The following FRMD4A variants were observed in gnomAD, a reference collection of about 807,000 sequenced individuals.
FRMD4A encodes FERM domain containing 4A, also known as FERM domain-containing protein 4A.
Under a neutral mutation model 129.1 loss-of-function variants are expected in FRMD4A, and 29 were observed. The ratio of observed to expected loss-of-function variants is 0.22; its 90% CI spans 0.17 to 0.31. The LOEUF is 0.31. FRMD4A is among the 10% of genes least tolerant of loss of function. The pLI is 1.00. For missense variants in FRMD4A, 1,272 were observed against 1,375.8 expected, an observed-to-expected ratio of 0.92 and a Z score of 1.19; for synonymous variants, 634 against 571.6, an observed-to-expected ratio of 1.11 and a Z score of -1.56.
intron 2 of FRMD4A, among the ~76,000 whole-genome samples, chr10:13,902,286 G>T (rs945941205): frequency 6.6e-5 from 10 of 152,122 alleles, no homozygotes; most frequent in African/African-American, 2.4e-5. Context: ...AAAGTGTTGG[G>T]ATTACAGGCA....
At chr10:14,296,094 G>A (rs1200038759) in intron 2 of FRMD4A, among the ~76,000 whole-genome samples, 4 of 152,016 alleles carry the variant, frequency 2.6e-5, no homozygotes, top group African/African-American at 9.7e-5. Context: ...GCGACGGGGG[G>A]TCTCTGGTCA....
intron 2 of FRMD4A, among the ~76,000 whole-genome samples, chr10:13,960,916 C>G (rs990828256): frequency 6.6e-6 from 1 of 152,098 alleles, no homozygotes; most frequent in Non-Finnish European, 1.5e-5. Flanking sequence ...AAGATGACAT[C>G]GAATGATCCT....
At chr10:14,291,036 A>T (rs1845835744) in intron 2 of FRMD4A, among the ~76,000 whole-genome samples, 1 of 152,124 alleles carries the variant, frequency 6.6e-6, no homozygotes, top group East Asian at 1.9e-4. Flanking sequence ...CCAAACTGTG[A>T]TATTTTTCAC....
rs2090930122 is a variant in FRMD4A, at chr10:13,740,559, C to T, written c.567G>A (p.Glu189=). 1.3e-6 allele frequency: 2 copies of T among 1,577,036 alleles called. No homozygotes were observed. The highest frequency in any genetic ancestry group is 1.4e-5 in the African/African-American group (1 of 73,752). ...TCTGACCGTTCAGTTTCTTGTAGTG[C>T]TCAATGACTCTGTCTTCACTGTAAT... ...SLAYCEDRVI[E]HYKKLNGQTR... Residue 189 remains glutamate (E), a synonymous_variant, in exon 10 of 25, where the codon GAG becomes GAA. Transcript: ENST00000357447.
intron 3 of FRMD4A, among the ~76,000 whole-genome samples, chr10:13,849,891 C>T (rs748359574): frequency 1.3e-5 from 2 of 151,420 alleles, no homozygotes; most frequent in East Asian, 2.0e-4. Context: ...AAGTTTAGGC[C>T]GGGCGCAGTG....
chr10:13,806,118 A>G (rs530687210), intron 4 of FRMD4A, among the ~76,000 whole-genome samples: 4 of 151,956 alleles, frequency 2.6e-5, no homozygotes, highest in African/African-American at 9.7e-5. Flanking sequence ...CAGCCTCCCA[A>G]AGTGTTGGTA....
chr10:13,852,271 G>A (rs1268731015), intron 3 of FRMD4A, among the ~76,000 whole-genome samples: 1 of 151,634 alleles, frequency 6.6e-6, no homozygotes, highest in Non-Finnish European at 1.5e-5. Context: ...TTGAGATGGA[G>A]TCTTGCTCTG....
chr10:14,165,762 C>T (rs779686548), intron 2 of FRMD4A, among the ~76,000 whole-genome samples: 33 of 152,126 alleles, frequency 2.2e-4, no homozygotes, highest in Non-Finnish European at 4.0e-4. Flanking sequence ...AAGAGAAAAC[C>T]AAATACCACA....
intron 2 of FRMD4A, among the ~76,000 whole-genome samples, chr10:13,903,153 C>T (rs1187815621): frequency 6.6e-6 from 1 of 152,120 alleles, no homozygotes; most frequent in Non-Finnish European, 1.5e-5. Context: ...CTTTTCAGGT[C>T]CCTGCTCAGA....
At chr10:13,783,771 C>T (rs935356236) in intron 5 of FRMD4A, among the ~76,000 whole-genome samples, 4 of 152,126 alleles carry the variant, frequency 2.6e-5, no homozygotes, top group East Asian at 1.9e-4. Flanking sequence ...TCTGCACATT[C>T]GGAGAGCTAT....
chr10:14,026,591 T>G (rs1285861800), intron 2 of FRMD4A, among the ~76,000 whole-genome samples: 3 of 152,208 alleles, frequency 2.0e-5, no homozygotes, highest in Non-Finnish European at 4.4e-5. Flanking sequence ...TAGCCAAGAA[T>G]GCACAGAAAA....
At chr10:13,669,057 G>GATTTTTTTTTTTTTTTTT (rs541360128) in intron 17 of FRMD4A, among the ~76,000 whole-genome samples, 2 of 97,460 alleles carry the variant, frequency 2.1e-5, no homozygotes, top group Non-Finnish European at 4.0e-5. Flanking sequence ...CTGAGCTTTA[G>GATTTTTTTTTTTTTTTTT]TTTTTTTTTT....
intron 16 of FRMD4A, among the ~76,000 whole-genome samples, chr10:13,672,189 C>T (rs796778004): frequency 2.0e-5 from 3 of 152,288 alleles, no homozygotes; most frequent in Non-Finnish European, 2.9e-5. Flanking sequence ...TTCAGATTGC[C>T]GGGAAATGAC....
At chr10:14,108,186 TCTTA>T (rs1837684456) in intron 2 of FRMD4A, among the ~76,000 whole-genome samples, 1 of 152,216 alleles carries the variant, frequency 6.6e-6, no homozygotes, top group South Asian at 2.1e-4. Context: ...TTGGCATTTC[TCTTA>T]CTATTAGCGA....
intron 2 of FRMD4A, among the ~76,000 whole-genome samples, chr10:14,028,223 A>T (rs1833072718): frequency 6.6e-6 from 1 of 152,168 alleles, no homozygotes; most frequent in Admixed American, 6.5e-5. Flanking sequence ...CCTTTGGACA[A>T]ATGTTTATTT....
chr10:14,159,263 C>G (rs947922121), intron 2 of FRMD4A, among the ~76,000 whole-genome samples: 2 of 152,164 alleles, frequency 1.3e-5, no homozygotes, highest in African/African-American at 4.8e-5. Flanking sequence ...ATGATTTGAG[C>G]CACATTGCTA....
chr10:14,287,022 C>T (rs1041063316), intron 2 of FRMD4A, among the ~76,000 whole-genome samples: 2 of 152,186 alleles, frequency 1.3e-5, no homozygotes, highest in African/African-American at 4.8e-5. Context: ...TCTTGGCGTT[C>T]TGCACTGTTA....
intron 2 of FRMD4A, among the ~76,000 whole-genome samples, chr10:14,077,895 G>A (rs1275723503): frequency 1.3e-5 from 2 of 152,214 alleles, no homozygotes; most frequent in African/African-American, 4.8e-5. Flanking sequence ...GGAGATATGT[G>A]TGTTACATGG....
chr10:14,237,545 G>T (rs1423638765), intron 2 of FRMD4A, among the ~76,000 whole-genome samples: 1 of 152,046 alleles, frequency 6.6e-6, no homozygotes, highest in Non-Finnish European at 1.5e-5. Flanking sequence ...TGGCCAGGCT[G>T]GTCTCGAACT....
Sources: allele counts gnomAD v4.1 joint callset (sites outside exome capture counted in the v4.1 genomes callset), GRCh38; gene constraint gnomAD v4.1.1; transcripts MANE v1.5; gene names NCBI Gene and HGNC (gene_info 2026-07-23, HGNC 2026-07-21).